The following ZNF879 variants were observed in gnomAD, a reference collection of about 807,000 sequenced individuals.
The protein encoded by ZNF879 is zinc finger protein 879.
ZNF879 carries 32 observed loss-of-function variants against 44.3 expected under a neutral mutation model. The observed-to-expected ratio is 0.72, with a 90% CI of 0.54 to 0.97. The LOEUF is 0.97. ZNF879 is among the 50% of genes least tolerant of loss of function. The pLI is 0.00. For synonymous variants in ZNF879, 234 were observed against 233.2 expected (o/e 1.00, Z -0.03); for missense variants, 621 against 669.7 (o/e 0.93, Z 0.80).
intron 4 of ZNF879, 49 bp downstream of exon 4, chr5:179,028,176 A>G (rs1004848967): frequency 4.6e-6 from 7 of 1,513,042 alleles, no homozygotes; most frequent in Middle Eastern, 1.8e-4. Flanking sequence ...TCCCACTGCC[A>G]GGGCACAGCG....
intron 4 of ZNF879, among the ~76,000 whole-genome samples, chr5:179,031,157 A>G (rs774480345): frequency 2.0e-5 from 3 of 152,084 alleles, no homozygotes; most frequent in Non-Finnish European, 2.9e-5. Context: ...CCCCGGCCCC[A>G]TTACAGTTTG....
chr5:179,032,457 T>C lies in ZNF879; in HGVS notation c.509T>C (p.Leu170Pro), dbSNP rs1330994943. Residue 170 changes from leucine to proline, a missense_variant, in exon 5 of 5, where the codon CTT becomes CCT. Physicochemically the swap from Leu to Pro is moderately conservative, Grantham distance 98. Transcript: ENST00000444149. Reference protein sequence around the residue: ...FGKNLGLKSSLIRKPRIVSRG... With the variant: ...FGKNLGLKSSPIRKPRIVSRG... Reference sequence around the variant, plus strand: ...AAAAATCTTGGTCTAAAATCATCGCTTATTAGAAAACCGAGAATAGTTTCC... The same window carrying C: ...AAAAATCTTGGTCTAAAATCATCGCCTATTAGAAAACCGAGAATAGTTTCC... The C allele has an allele frequency of 9.0e-6, 14 of 1,551,694 alleles. No homozygotes were observed. The highest frequency in any genetic ancestry group is 1.2e-5 in the Non-Finnish European group (14 of 1,146,980).
chr5:179,027,616 C>G lies in ZNF879; in HGVS notation c.160+17C>G. On this transcript the variant is annotated intron_variant, in intron 3 of 4. Coordinates refer to ENST00000444149, the MANE Select transcript of ZNF879 (RefSeq NM_001136116.3). ...TCTCACTGGGTAAGGAACTTTCCTC[C>G]TGATGCAGAATCTGCCAGGAGAGCA... is the stretch of plus-strand genomic sequence containing the variant. The G allele has an allele frequency of 6.2e-7, 1 of 1,613,240 alleles. No individual in the cohort carries two copies. The highest frequency in any genetic ancestry group is 8.5e-7 in the Non-Finnish European group (1 of 1,179,598).
intron 2 of ZNF879, 47 bp from the exon 3 acceptor site, chr5:179,027,426 G>A (rs775716699): frequency 2.3e-5 from 37 of 1,607,610 alleles, no homozygotes; most frequent in East Asian, 8.9e-5. Context: ...CAGTCTTCTC[G>A]TTGTGGGGAC....
intron 4 of ZNF879, 147 bp downstream of exon 4, chr5:179,028,274 C>A: frequency 1.4e-6 from 1 of 692,952 alleles, no homozygotes; most frequent in Non-Finnish European, 2.5e-6. Flanking sequence ...ATTACTTGAT[C>A]CATCATGTTC....
intron 4 of ZNF879, 65 bp downstream of exon 4, chr5:179,028,192 G>A (rs2113055324): frequency 1.1e-5 from 16 of 1,452,632 alleles, no homozygotes; most frequent in South Asian, 3.7e-5. Flanking sequence ...CAGCGAGGAG[G>A]CTGCGCTCAA....
Position 179,033,649 on chromosome 5 carries a change from G to A in ZNF879, c.*9G>A. On this transcript the variant is annotated 3_prime_UTR_variant, in exon 5 of 5. Coordinates refer to ENST00000444149, the MANE Select transcript of ZNF879 (RefSeq NM_001136116.3). ...AAAGGACTCATAATTGAGAAAAACT[G>A]TATAAATGCATGTAGGAACTGAAGT... 6.8e-7 allele frequency: 1 copy of A among 1,471,446 alleles called. No individual in the cohort carries two copies. The highest frequency in any genetic ancestry group is 9.0e-7 in the Non-Finnish European group (1 of 1,108,630). 91.1% of individuals were successfully genotyped at this position (1,471,446 alleles called of 1,614,324 possible).
chr5:179,027,916 G>A, intron 3 of ZNF879, 116 bp from the exon 4 acceptor site: 2 of 931,392 alleles, frequency 2.1e-6, no homozygotes, highest in Non-Finnish European at 3.3e-6. Context: ...AGCCCAGTTT[G>A]AAGCCTCTCA....
rs1404675200 is a variant in ZNF879, at chr5:179,027,479, G to C, written c.40G>C (p.Val14Leu). 5.0e-6 allele frequency: 8 copies of C among 1,614,042 alleles called. No individual in the cohort carries two copies. Among genetic ancestry groups the C allele is most frequent in the Non-Finnish European group, 6.8e-6 (8 of 1,179,984 alleles). Residue 14 changes from valine to leucine, a missense_variant, in exon 3 of 5, where the codon GTG becomes CTG. Val to Leu is a conservative substitution (Grantham distance 32, BLOSUM62 1). Coordinates refer to ENST00000444149, the MANE Select transcript of ZNF879 (RefSeq NM_001136116.3). ...RLLPAHVQESVTFRDVAVFFS... is the reference protein window; with the variant it reads ...RLLPAHVQESLTFRDVAVFFS... ...AGTGGGTTTGCCATTCCAGGAGTCC[G>C]TGACGTTCAGGGATGTGGCCGTGTT...
Position 179,033,094 on chromosome 5 carries a change from C to T in ZNF879, c.1146C>T (p.Ser382=). The T allele has an allele frequency of 1.9e-6, 3 of 1,570,780 alleles. No individual in the cohort carries two copies. Among genetic ancestry groups the T allele is most frequent in the Non-Finnish European group, 2.6e-6 (3 of 1,158,036 alleles). The change falls in exon 5 of 5, where the codon AGC becomes AGT. Residue 382 remains serine (S), a synonymous_variant. Transcript: ENST00000444149. ...GTAACGAGTGTGGAAAAGTATTCAG[C>T]TATCACTCAGCCCTTATCATACATC... The part of the protein sequence containing the change: ...FHCNECGKVF[S]YHSALIIHQR...
In ZNF879 at chr5:179,028,509, C is replaced by G. The variant is rs183531251; in HGVS notation, c.256+382C>G. Among the ~76,000 whole-genome samples the G allele has an allele frequency of 1.8e-3, 270 of 151,770 alleles. 1 individual carries two copies. The highest frequency in any genetic ancestry group is 6.2e-3 in the African/African-American group (254 of 41,294). On this transcript the variant is annotated intron_variant, in intron 4 of 4. Coordinates refer to ENST00000444149, the MANE Select transcript of ZNF879 (RefSeq NM_001136116.3). Reference sequence around the variant, plus strand: ...TACAATACATTCCTCATAGTTTCATCTTGGAACCATCTTTTGCTTTGATTT... The same window carrying G: ...TACAATACATTCCTCATAGTTTCATGTTGGAACCATCTTTTGCTTTGATTT...
chr5:179,030,157 A>G (rs1044911566), intron 4 of ZNF879, among the ~76,000 whole-genome samples: 4 of 152,224 alleles, frequency 2.6e-5, no homozygotes, highest in East Asian at 1.9e-4. Context: ...ACGAAGCACA[A>G]GTTACCATTT....
rs1230622204 is a variant in ZNF879 at position 179,034,123 on chromosome 5, A to G, written c.*483A>G. The G allele has an allele frequency of 6.5e-6, 1 of 152,808 alleles. No individual in the cohort carries two copies. Among genetic ancestry groups the G allele is most frequent in the East Asian group, 1.9e-4 (1 of 5,202 alleles). The allele number at this position is 152,808 out of a possible 1,614,324, so 9.5% of individuals were successfully genotyped here. On this transcript the variant is annotated 3_prime_UTR_variant, in exon 5 of 5. Transcript: ENST00000444149. ...ACTGTCACTAAAATGTTTTTTAATAATCTTAAAGCAGATTCTGCACTTCAT... is the reference window on the plus strand; with the variant it reads ...ACTGTCACTAAAATGTTTTTTAATAGTCTTAAAGCAGATTCTGCACTTCAT...
intron 4 of ZNF879, among the ~76,000 whole-genome samples, chr5:179,029,425 T>G (rs1012700833): frequency 3.3e-5 from 5 of 152,188 alleles, no homozygotes; most frequent in African/African-American, 1.2e-4. Context: ...TGTGAGGCAA[T>G]TGACTGCAAG....
At chr5:179,027,637 G>A in intron 3 of ZNF879, 38 bp downstream of exon 3, 1 of 1,607,118 alleles carries the variant, frequency 6.2e-7, no homozygotes, top group Non-Finnish European at 8.5e-7. Flanking sequence ...TCTGCCAGGA[G>A]AGCACCTTAG....
chr5:179,026,553 C>T (rs1761275961), intron 2 of ZNF879, among the ~76,000 whole-genome samples: 2 of 152,130 alleles, frequency 1.3e-5, no homozygotes, highest in African/African-American at 2.4e-5. Flanking sequence ...TGTGATCACA[C>T]GTCACTGCAG....
intron 2 of ZNF879, among the ~76,000 whole-genome samples, chr5:179,026,702 C>T (rs1009463959): frequency 4.6e-5 from 7 of 152,150 alleles, no homozygotes; most frequent in Admixed American, 3.3e-4. Flanking sequence ...TTGCCCAGGC[C>T]GGTCTTGAAC....
chr5:179,033,889 T>C lies in ZNF879; in HGVS notation c.*249T>C. The C allele has an allele frequency of 2.9e-6, 1 of 348,376 alleles. No homozygotes were observed. The highest frequency in any genetic ancestry group is 8.1e-4 in the Middle Eastern group (1 of 1,230). 21.6% of individuals were successfully genotyped at this position (348,376 alleles called of 1,614,324 possible). A position where few individuals can be genotyped will look rare whatever the true frequency, so the allele number is the denominator to read the frequency against. ...ATGGAGAATTTTTAAGATTGCAGGG[T>C]TAGTATTTGATTGTCTAGTGATGTA... On this transcript the variant is annotated 3_prime_UTR_variant, in exon 5 of 5. Transcript: ENST00000444149.
Position 179,032,664 on chromosome 5 carries a change from A to G in ZNF879, c.716A>G (p.Lys239Arg). The G allele has an allele frequency of 1.3e-6, 2 of 1,567,968 alleles. No homozygotes were observed. Among genetic ancestry groups the G allele is most frequent in the Non-Finnish European group, 1.7e-6 (2 of 1,156,482 alleles). The change falls in exon 5 of 5, where the codon AAA (lysine) becomes AGA (arginine). Residue 239 changes from lysine to arginine, a missense_variant. Lys to Arg is a conservative substitution (Grantham distance 26). Transcript: ENST00000444149. ...CTCTATAAATGTAAGGAATGTAGGA[A>G]AGCCTTCAGCCAAAGCTCATCCCTA... ...EKLYKCKECR[K>R]AFSQSSSLTQ...
Sources: gnomAD v4.1 joint callset for allele counts (sites outside exome capture counted in the v4.1 genomes callset) on GRCh38, gnomAD v4.1.1 for gene constraint, MANE v1.5 for transcripts, NCBI Gene and HGNC (gene_info 2026-07-23, HGNC 2026-07-21) for gene names.